PKD2: variants seen among roughly 807,000 people sequenced by gnomAD.
PKD2 encodes polycystin 2, transient receptor potential cation channel.
A neutral mutation model predicts 105.9 loss-of-function variants in PKD2; 48 were observed. That is an observed-to-expected ratio of 0.45 (90% CI 0.36 to 0.58). PKD2 has a LOEUF of 0.58. Among genes scored for constraint, PKD2 ranks in the 20% least tolerant of loss-of-function variants. PKD2 has a pLI of 0.00. For synonymous variants in PKD2, 464 were observed against 481.1 expected (o/e 0.96, Z 0.46); for missense variants, 1,078 against 1,255.3 (o/e 0.86, Z 2.13).
At chr4:88,010,426 C>T (rs925135508) in intron 1 of PKD2, among the ~76,000 whole-genome samples, 5 of 152,146 alleles carry the variant, frequency 3.3e-5, no homozygotes, top group African/African-American at 1.2e-4. Context: ...ACTAGAATAG[C>T]ATATCACTGT....
intron 2 of PKD2, among the ~76,000 whole-genome samples, chr4:88,021,602 A>G (rs1052394065): frequency 6.6e-6 from 1 of 152,220 alleles, no homozygotes; most frequent in African/African-American, 2.4e-5. Context: ...TCCGTCTCAG[A>G]TGGTTACTCA....
Position 88,045,348 on chromosome 4 carries a change from A to G in PKD2, c.1320-1294A>G, listed in dbSNP as rs113700580. On this transcript the variant is annotated intron_variant, in intron 5 of 14. Transcript: ENST00000237596. ...TCTCACCCCTACTCTCTAACACATCAAATAGGAAAGAAAGAACAGGAGAAC... is the reference window on the plus strand; with the variant it reads ...TCTCACCCCTACTCTCTAACACATCGAATAGGAAAGAAAGAACAGGAGAAC... Among the ~76,000 whole-genome samples the G allele has an allele frequency of 2.7e-3, 408 of 152,312 alleles. 1 individual carries two copies. Among genetic ancestry groups the G allele is most frequent in the African/African-American group, 9.0e-3 (375 of 41,558 alleles).
chr4:88,038,883 T>C lies in PKD2; in HGVS notation c.1094+382T>C, dbSNP rs76264621. Among the ~76,000 whole-genome samples, 1,185 of 152,304 alleles carry C rather than the reference T, an allele frequency of 7.8e-3. 9 individuals are homozygous for C. Among genetic ancestry groups the C allele is most frequent in the Middle Eastern group, 0.02 (6 of 294 alleles). ...GTTCAGGAACTCTTTTTATAGGTCT[T>C]GCAAACAGGTTTTTGTTCAGAATGG... On this transcript the variant is annotated intron_variant, in intron 4 of 14. Transcript: ENST00000237596.
Position 88,007,892 on chromosome 4 carries a change from G to T in PKD2, c.159G>T (p.Glu53Asp). The change falls in exon 1 of 15, where the codon GAG becomes GAT. Residue 53 changes from glutamate to aspartate, a missense_variant. Coordinates refer to ENST00000237596, the MANE Select transcript of PKD2 (RefSeq NM_000297.4). ...GCCTCTGCGAGCAGCGGGGCCTGGA[G>T]ATCGAGATGCAGCGCATCCGGCAGG... ...PGGLCEQRGL[E>D]IEMQRIRQAA... 2 of 1,394,350 alleles carry T rather than the reference G, an allele frequency of 1.4e-6. No homozygotes were observed. The highest frequency in any genetic ancestry group is 1.9e-6 in the Non-Finnish European group (2 of 1,067,162). 86.4% of individuals were successfully genotyped at this position (1,394,350 alleles called of 1,614,324 possible).
intron 3 of PKD2, among the ~76,000 whole-genome samples, chr4:88,036,635 A>G (rs1038011152): frequency 5.9e-5 from 9 of 152,204 alleles, no homozygotes; most frequent in African/African-American, 2.2e-4. Context: ...ACTATGCCCT[A>G]GTTTGTTAAT....
chr4:88,013,759 G>A (rs960663733), intron 1 of PKD2, among the ~76,000 whole-genome samples: 2 of 151,828 alleles, frequency 1.3e-5, no homozygotes, highest in Non-Finnish European at 2.9e-5. Flanking sequence ...GTCAGAGAAG[G>A]TTTCCAGAGG....
At chr4:88,062,537 A>G (rs768267840) in intron 10 of PKD2, among the ~76,000 whole-genome samples, 12 of 152,208 alleles carry the variant, frequency 7.9e-5, no homozygotes, top group Admixed American at 3.3e-4. Context: ...TTACTTATGC[A>G]CCTTCTCAGG....
chr4:88,017,999 G>A (rs910150695), intron 1 of PKD2, among the ~76,000 whole-genome samples: 3 of 152,214 alleles, frequency 2.0e-5, no homozygotes, highest in African/African-American at 4.8e-5. Context: ...GGCTGCCTCT[G>A]TGTTATTCTA....
In PKD2 at chr4:88,068,013, G is replaced by C; in HGVS notation, c.2474G>C (p.Arg825Thr). ...GATGAAGATAGCGGACATAGCTCCA[G>C]AAGGAGGGGAAGCATTTCTAGTGGC... ...DDDEDSGHSS[R>T]RRGSISSGVS... The change falls in exon 13 of 15, where the codon AGA becomes ACA. Residue 825 changes from arginine (R) to threonine (T), a missense_variant. Around this residue, in one of 2 missense-constraint regions of PKD2, gnomAD observed 868 missense variants for 1,067.3 expected, o/e 0.81. Coordinates refer to ENST00000237596, the MANE Select transcript of PKD2 (RefSeq NM_000297.4). The C allele has an allele frequency of 6.2e-7, 1 of 1,614,154 alleles. No individual in the cohort carries two copies. Among genetic ancestry groups the C allele is most frequent in the Non-Finnish European group, 8.5e-7 (1 of 1,179,976 alleles).
chr4:88,056,111 G>A lies in PKD2; in HGVS notation c.1742G>A (p.Arg581Lys). The A allele has an allele frequency of 6.2e-7, 1 of 1,613,078 alleles. No individual in the cohort carries two copies. The highest frequency in any genetic ancestry group is 8.5e-7 in the Non-Finnish European group (1 of 1,179,272). The change falls in exon 8 of 15, where the codon AGG becomes AAG. Residue 581 changes from arginine to lysine, a missense_variant. Arg to Lys is a conservative substitution (Grantham distance 26, BLOSUM62 2). This residue lies in a region of PKD2 where 868 missense variants were observed against 1,067.3 expected (regional missense o/e 0.81). Transcript: ENST00000237596. ...IKLFKFINFNRTMSQLSTTMS... is the reference protein window; with the variant it reads ...IKLFKFINFNKTMSQLSTTMS... Reference sequence around the variant, plus strand: ...CTCTTCAAATTCATCAATTTTAACAGGACCATGAGCCAGCTCTCGACAACC... The same window carrying A: ...CTCTTCAAATTCATCAATTTTAACAAGACCATGAGCCAGCTCTCGACAACC...
At chr4:88,070,578 AT>A in intron 13 of PKD2, among the ~76,000 whole-genome samples, 1 of 72,568 alleles carries the variant, frequency 1.4e-5, no homozygotes, top group South Asian at 4.8e-4. Flanking sequence ...TTTATTTTAT[AT>A]ATATATATAT....
At position 88,075,670 on chromosome 4, in the gene PKD2, T is replaced by A. The variant is rs1721207107; in HGVS notation, c.2883T>A (p.Asn961Lys). 2 of 1,613,522 alleles carry A rather than the reference T, an allele frequency of 1.2e-6. No individual in the cohort carries two copies. Among genetic ancestry groups the A allele is most frequent in the South Asian group, 2.2e-5 (2 of 91,058 alleles). Residue 961 changes from asparagine (N) to lysine (K), a missense_variant, in exon 15 of 15, where the codon AAT becomes AAA. This residue lies in a region of PKD2 where 868 missense variants were observed against 1,067.3 expected (regional missense o/e 0.81). Coordinates refer to ENST00000237596, the MANE Select transcript of PKD2 (RefSeq NM_000297.4). ...AAGGCATGGAAGGTGCAGGTGGAAA[T>A]GGGAGTTCTAATGTCCACGTATGAT... ...STEGMEGAGG[N>K]GSSNVHV is the part of the protein sequence containing the mutation.
chr4:88,061,026 T>C (rs1330232010), intron 9 of PKD2, among the ~76,000 whole-genome samples: 1 of 152,246 alleles, frequency 6.6e-6, no homozygotes, highest in Non-Finnish European at 1.5e-5. Flanking sequence ...CTCCAAAGTC[T>C]ATCTCTCTTC....
Position 88,012,219 on chromosome 4 carries a change from A to G in PKD2, c.595+3891A>G, listed in dbSNP as rs79159564. 5.2e-3 allele frequency among the ~76,000 whole-genome samples: 789 copies of G among 152,294 alleles called. 4 individuals are homozygous for G. Among genetic ancestry groups the G allele is most frequent in the African/African-American group, 0.018 (746 of 41,560 alleles). ...TAGTTTTGTTTTTATCCTCACAACA[A>G]CCTGTGAAGAAAGAACTCTCATCCG... On this transcript the variant is annotated intron_variant, in intron 1 of 14. Transcript: ENST00000237596.
At chr4:88,057,873 C>A in intron 8 of PKD2, 110 bp from the exon 9 acceptor site, 1 of 845,840 alleles carries the variant, frequency 1.2e-6, no homozygotes, top group East Asian at 2.4e-5. Context: ...TCGGCAGCTA[C>A]CTATACTGCT....
At chr4:88,019,103 C>A (rs1053378329) in intron 1 of PKD2, among the ~76,000 whole-genome samples, 4 of 152,154 alleles carry the variant, frequency 2.6e-5, no homozygotes, top group Non-Finnish European at 5.9e-5. Flanking sequence ...ATAGGAAGAA[C>A]TGATAAGTTT....
At position 88,052,136 on chromosome 4, in the gene PKD2, C is replaced by G. The variant is rs751486110; in HGVS notation, c.1694C>G (p.Thr565Arg). 6.2e-7 allele frequency: 1 copy of G among 1,601,204 alleles called. No individual in the cohort carries two copies. Among genetic ancestry groups the G allele is most frequent in the East Asian group, 2.2e-5 (1 of 44,766 alleles). ...CAGTTCAACAATATAGCTGCTGTCA[C>G]AGTATTTTTTGTCTGGATTAAGGTA... Reference protein sequence around the residue: ...QIQFNNIAAVTVFFVWIKLFK... With the variant: ...QIQFNNIAAVRVFFVWIKLFK... The change falls in exon 7 of 15, where the codon ACA (threonine) becomes AGA (arginine). Residue 565 changes from threonine to arginine, a missense_variant. Coordinates refer to ENST00000237596, the MANE Select transcript of PKD2 (RefSeq NM_000297.4).
chr4:88,011,530 C>T (rs2110082914), intron 1 of PKD2, among the ~76,000 whole-genome samples: 1 of 151,994 alleles, frequency 6.6e-6, no homozygotes, highest in East Asian at 1.9e-4. Context: ...TCTTATTTCT[C>T]CTAAAATAAT....
intron 1 of PKD2, among the ~76,000 whole-genome samples, chr4:88,017,580 T>C (rs1246404894): frequency 6.6e-6 from 1 of 152,080 alleles, no homozygotes; most frequent in African/African-American, 2.4e-5. Flanking sequence ...TGGCTAAGTT[T>C]TGTATTTTTA....
Sources: allele counts gnomAD v4.1 joint callset (sites outside exome capture counted in the v4.1 genomes callset), GRCh38; gene constraint gnomAD v4.1.1; regional missense constraint gnomAD v4.1.1; transcripts MANE v1.5; gene names NCBI Gene and HGNC (gene_info 2026-07-23, HGNC 2026-07-21).